The following ST6GALNAC3 variants were observed in gnomAD, a reference collection of about 807,000 sequenced individuals.
The protein encoded by ST6GALNAC3 is alpha-N-acetylgalactosaminide alpha-2,6-sialyltransferase 3.
Under a neutral mutation model 32.7 loss-of-function variants are expected in ST6GALNAC3, and 25 were observed. That is an observed-to-expected ratio of 0.76 (90% CI 0.56 to 1.07). The LOEUF (loss-of-function observed/expected upper bound fraction) is 1.07, where lower values mean the gene tolerates loss of function less well. Ranked by LOEUF, ST6GALNAC3 falls within the 50% of genes least tolerant of loss-of-function variation. The pLI is 0.00. For synonymous variants in ST6GALNAC3, 129 were observed against 133.1 expected, an observed-to-expected ratio of 0.97 and a Z score of 0.21; for missense variants, 355 against 382.4, an observed-to-expected ratio of 0.93 and a Z score of 0.60.
intron 3 of ST6GALNAC3, among the ~76,000 whole-genome samples, chr1:76,486,326 T>A (rs1396325975): frequency 6.6e-6 from 1 of 152,164 alleles, no homozygotes; most frequent in Non-Finnish European, 1.5e-5. Flanking sequence ...CAGTGGGGTG[T>A]TAAAGTCTCC....
At chr1:76,234,677 A>T (rs1190894465) in intron 1 of ST6GALNAC3, among the ~76,000 whole-genome samples, 1 of 152,186 alleles carries the variant, frequency 6.6e-6, no homozygotes, top group African/African-American at 2.4e-5. Context: ...TTTTTTAGTA[A>T]ATAGAGGCAG....
Position 76,629,461 on chromosome 1 carries a change from G to T in ST6GALNAC3, c.*655G>T. ...TATCTCAAACACATAAATCAAAATG[G>T]GCCAAGTAGCAAATCTTGATGAATT... On this transcript the variant is annotated 3_prime_UTR_variant, in exon 5 of 5. Coordinates refer to ENST00000328299, the MANE Select transcript of ST6GALNAC3 (RefSeq NM_152996.4). The T allele has an allele frequency of 1.0e-6, 1 of 985,410 alleles. No individual in the cohort carries two copies. Among genetic ancestry groups the T allele is most frequent in the Non-Finnish European group, 1.2e-6 (1 of 829,780 alleles). 61.0% of individuals were successfully genotyped at this position (985,410 alleles called of 1,614,324 possible).
intron 1 of ST6GALNAC3, among the ~76,000 whole-genome samples, chr1:76,281,166 C>A (rs946892886): frequency 1.3e-5 from 2 of 152,138 alleles, no homozygotes; most frequent in Admixed American, 1.3e-4. Context: ...CACCTTAATT[C>A]AAGCTTTTTT....
intron 1 of ST6GALNAC3, among the ~76,000 whole-genome samples, chr1:76,089,446 T>A (rs1030059389): frequency 6.6e-6 from 1 of 152,174 alleles, no homozygotes; most frequent in South Asian, 2.1e-4. Context: ...TTTGCTACAA[T>A]GATTGCACAC....
Position 76,522,314 on chromosome 1 carries a change from A to G in ST6GALNAC3, c.624-105138A>G, listed in dbSNP as rs138210255. ...TGCTTTTAGTTTGCTGATTTTTTTG[A>G]ATTTATGGATTGATACTTTTCTTCA... On this transcript the variant is annotated intron_variant, in intron 3 of 4. Transcript: ENST00000328299. Among the ~76,000 whole-genome samples, 398 of 152,128 alleles carry G rather than the reference A, an allele frequency of 2.6e-3. 2 individuals carry two copies. The highest frequency in any genetic ancestry group is 9.1e-3 in the African/African-American group (376 of 41,526).
chr1:76,414,643 A>C (rs1054694880), intron 3 of ST6GALNAC3, among the ~76,000 whole-genome samples: 1 of 152,100 alleles, frequency 6.6e-6, no homozygotes, highest in Non-Finnish European at 1.5e-5. Context: ...CTGTATAACC[A>C]TCACTTAGCT....
intron 3 of ST6GALNAC3, among the ~76,000 whole-genome samples, chr1:76,548,994 AAAGAG>A (rs1222679315): frequency 6.6e-6 from 1 of 152,340 alleles, no homozygotes; most frequent in East Asian, 1.9e-4. Context: ...TGCTAGATGA[AAAGAG>A]AAGAGAAGTT....
chr1:76,099,037 A>G (rs1647177909), intron 1 of ST6GALNAC3, among the ~76,000 whole-genome samples: 1 of 152,120 alleles, frequency 6.6e-6, no homozygotes, highest in African/African-American at 2.4e-5. Context: ...TGCTTTCGCT[A>G]CTGCTTGGCA....
intron 3 of ST6GALNAC3, among the ~76,000 whole-genome samples, chr1:76,462,224 G>A (rs751879532): frequency 1.3e-4 from 18 of 141,414 alleles, no homozygotes; most frequent in Non-Finnish European, 2.4e-4. Flanking sequence ...AATGAATAGT[G>A]GAATTAATGG....
At chr1:76,323,121 G>A (rs964432597) in intron 2 of ST6GALNAC3, among the ~76,000 whole-genome samples, 4 of 152,048 alleles carry the variant, frequency 2.6e-5, no homozygotes. Flanking sequence ...GAACATTTAT[G>A]AATCCCAAAG....
intron 1 of ST6GALNAC3, among the ~76,000 whole-genome samples, chr1:76,293,894 C>T (rs901640599): frequency 6.6e-6 from 1 of 151,984 alleles, no homozygotes; most frequent in Admixed American, 6.6e-5. Flanking sequence ...TACACATATG[C>T]ACGTGCTTTA....
intron 3 of ST6GALNAC3, among the ~76,000 whole-genome samples, chr1:76,579,640 C>T (rs1048966987): frequency 6.6e-6 from 1 of 151,770 alleles, no homozygotes; most frequent in Non-Finnish European, 1.5e-5. Context: ...TCTTGCAGTT[C>T]ATTTGTCAAA....
intron 3 of ST6GALNAC3, among the ~76,000 whole-genome samples, chr1:76,583,186 T>C (rs1275629623): frequency 1.1e-4 from 17 of 152,194 alleles, no homozygotes; most frequent in Admixed American, 1.1e-3. Flanking sequence ...AATACTCTAT[T>C]GTACCATACT....
chr1:76,103,089 C>T (rs1647296566), intron 1 of ST6GALNAC3, among the ~76,000 whole-genome samples: 1 of 149,912 alleles, frequency 6.7e-6, no homozygotes, highest in Admixed American at 6.6e-5. Context: ...TCTTTTTCAC[C>T]CTTATGCTGA....
chr1:76,465,807 T>C (rs1343071761), intron 3 of ST6GALNAC3, among the ~76,000 whole-genome samples: 1 of 152,066 alleles, frequency 6.6e-6, no homozygotes, highest in Non-Finnish European at 1.5e-5. Context: ...CTCCACAATG[T>C]TGCATTTTCT....
chr1:76,440,099 T>G (rs1283910442), intron 3 of ST6GALNAC3, among the ~76,000 whole-genome samples: 5 of 152,162 alleles, frequency 3.3e-5, no homozygotes, highest in Admixed American at 2.6e-4. Context: ...TTACAAAAGA[T>G]ATTGTGGACT....
At chr1:76,206,458 G>A (rs1012138347) in intron 1 of ST6GALNAC3, among the ~76,000 whole-genome samples, 2 of 152,172 alleles carry the variant, frequency 1.3e-5, no homozygotes, top group Non-Finnish European at 2.9e-5. Flanking sequence ...GAGATGTGAG[G>A]AATTGCACTA....
chr1:76,589,816 C>T (rs1647019610), intron 3 of ST6GALNAC3, among the ~76,000 whole-genome samples: 1 of 151,708 alleles, frequency 6.6e-6, no homozygotes, highest in Non-Finnish European at 1.5e-5. Context: ...AGTTAGAAAG[C>T]AATTCTTCCT....
chr1:76,309,340 A>T (rs55720606), intron 1 of ST6GALNAC3, among the ~76,000 whole-genome samples: 3,016 of 152,172 alleles, frequency 0.02, 98 homozygotes, highest in African/African-American at 0.069. Context: ...TGAAGATGTA[A>T]ATTCTTTAGT....
Sources: allele counts gnomAD v4.1 joint callset (sites outside exome capture counted in the v4.1 genomes callset), GRCh38; gene constraint gnomAD v4.1.1; transcripts MANE v1.5; gene names NCBI Gene and HGNC (gene_info 2026-07-23, HGNC 2026-07-21).